Variants in SPMIP2 observed in about 807,000 individuals in gnomAD.
SPMIP2 encodes the protein protein SPMIP2.
At chr4:158,996,537 C>T in the SPMIP2 span, among the ~76,000 whole-genome samples, 1 of 152,140 alleles carries the variant, frequency 6.6e-6, no homozygotes, top group Non-Finnish European at 1.5e-5. Flanking sequence ...AATAGGAAAT[C>T]CATTGCAAAA....
the SPMIP2 span, among the ~76,000 whole-genome samples, chr4:158,941,925 T>C: frequency 1.3e-5 from 2 of 152,086 alleles, no homozygotes; most frequent in Non-Finnish European, 2.9e-5. Context: ...TCTGGTAGAT[T>C]TGGAGGAGGT....
chr4:158,960,370 C>T, the SPMIP2 span: 2 of 1,388,888 alleles, frequency 1.4e-6, no homozygotes, highest in Non-Finnish European at 2.0e-6. Context: ...AATTAATGTA[C>T]CATAATTCCA....
the SPMIP2 span, among the ~76,000 whole-genome samples, chr4:158,901,707 C>T: frequency 3.3e-5 from 5 of 151,784 alleles, no homozygotes; most frequent in Non-Finnish European, 7.4e-5. Flanking sequence ...TTTCTGTAAT[C>T]TTGTCTTCAC....
chr4:158,972,091 GTGGCTCACGCCTATAACCCCAGCACT>G, the SPMIP2 span, among the ~76,000 whole-genome samples: 1 of 152,226 alleles, frequency 6.6e-6, no homozygotes, highest in African/African-American at 2.4e-5. Flanking sequence ...GCCGGGTGTG[GTGGCTCACGCCTATAACCCCAGCACT>G]TTGGGAGGCC....
At chr4:158,953,592 C>A in the SPMIP2 span, among the ~76,000 whole-genome samples, 1 of 152,182 alleles carries the variant, frequency 6.6e-6, no homozygotes, top group East Asian at 1.9e-4. Context: ...GAGAGGGCAA[C>A]TGTCCTCCAG....
chr4:159,047,646 G>A, the SPMIP2 span, among the ~76,000 whole-genome samples: 1 of 152,154 alleles, frequency 6.6e-6, no homozygotes. Flanking sequence ...GATGCTCTTA[G>A]ATAACTGAAA....
the SPMIP2 span, among the ~76,000 whole-genome samples, chr4:158,927,580 G>A: frequency 2.0e-5 from 3 of 152,332 alleles, no homozygotes; most frequent in Non-Finnish European, 4.4e-5. Context: ...CGCCTCCTCT[G>A]CCTGGGCTCC....
chr4:158,935,306 C>A, the SPMIP2 span, among the ~76,000 whole-genome samples: 1 of 152,180 alleles, frequency 6.6e-6, no homozygotes, highest in Non-Finnish European at 1.5e-5. Context: ...AAATGCAGCT[C>A]AAGTGTTACC....
At chr4:159,057,150 C>G in the SPMIP2 span, among the ~76,000 whole-genome samples, 43 of 152,224 alleles carry the variant, frequency 2.8e-4, no homozygotes, top group Middle Eastern at 3.4e-3. Context: ...AAGGGAGATA[C>G]ACAATTAAAT....
At chr4:158,974,382 A>G in the SPMIP2 span, among the ~76,000 whole-genome samples, 2 of 152,186 alleles carry the variant, frequency 1.3e-5, no homozygotes, top group African/African-American at 4.8e-5. Flanking sequence ...ATAGGTATAC[A>G]TGTGCCATGA....
At chr4:159,075,530 G>C in the SPMIP2 span, among the ~76,000 whole-genome samples, 1 of 152,088 alleles carries the variant, frequency 6.6e-6, no homozygotes, top group Non-Finnish European at 1.5e-5. Flanking sequence ...AAAATTCAAA[G>C]AGACAGCGTG....
At chr4:158,921,884 C>CTTT in the SPMIP2 span, among the ~76,000 whole-genome samples, 13 of 91,322 alleles carry the variant, frequency 1.4e-4, no homozygotes, top group African/African-American at 4.4e-4. Flanking sequence ...CTTCTACATA[C>CTTT]TTTTTTTTTT....
chr4:158,926,587 G>T, the SPMIP2 span, among the ~76,000 whole-genome samples: 1 of 151,724 alleles, frequency 6.6e-6, no homozygotes, highest in Non-Finnish European at 1.5e-5. Flanking sequence ...CCCAATATAT[G>T]GTCTATCTTG....
the SPMIP2 span, among the ~76,000 whole-genome samples, chr4:159,037,781 T>TAC: frequency 3.1e-3 from 364 of 118,050 alleles, 2 homozygotes; most frequent in African/African-American, 0.012. Flanking sequence ...TCAAAAACAA[T>TAC]ATATACACAC....
chr4:159,037,819 C>G, the SPMIP2 span, among the ~76,000 whole-genome samples: 1 of 143,796 alleles, frequency 7.0e-6, no homozygotes, highest in Non-Finnish European at 1.5e-5. Context: ...CACACACACA[C>G]ACACACACAT....
At chr4:159,013,453 T>C in the SPMIP2 span, among the ~76,000 whole-genome samples, 3 of 152,138 alleles carry the variant, frequency 2.0e-5, no homozygotes, top group African/African-American at 7.2e-5. Context: ...AAATCTAAAA[T>C]CAAGTTGCTG....
the SPMIP2 span, among the ~76,000 whole-genome samples, chr4:158,994,322 T>C: frequency 2.0e-5 from 3 of 152,360 alleles, no homozygotes; most frequent in South Asian, 2.1e-4. Flanking sequence ...TAAAGTCATA[T>C]TGGGTGAGAG....
the SPMIP2 span, among the ~76,000 whole-genome samples, chr4:158,941,493 CA>C: frequency 6.6e-6 from 1 of 152,020 alleles, no homozygotes; most frequent in Non-Finnish European, 1.5e-5. Flanking sequence ...TCTGTATCTA[CA>C]AAAAAATTTT....
At chr4:159,017,126 A>ATT in the SPMIP2 span, among the ~76,000 whole-genome samples, 4 of 152,164 alleles carry the variant, frequency 2.6e-5, no homozygotes, top group African/African-American at 9.7e-5. Context: ...TGGGAAAGGA[A>ATT]AAAGGACTCC....
Sources: gnomAD v4.1 joint callset for allele counts (sites outside exome capture counted in the v4.1 genomes callset) on GRCh38, gnomAD v4.1.1 for gene constraint, MANE v1.5 for transcripts, NCBI Gene and HGNC (gene_info 2026-07-23, HGNC 2026-07-21) for gene names.